Variants in KIF1B observed in about 807,000 individuals in gnomAD.
KIF1B encodes the protein kinesin family member 1B.
In KIF1B, 76 loss-of-function variants were observed where a neutral mutation model predicts 241.9. The observed-to-expected ratio is 0.31, with a 90% CI of 0.26 to 0.38. KIF1B has a LOEUF of 0.38. Ranked by LOEUF, KIF1B falls within the 10% of genes least tolerant of loss-of-function variation. The pLI is 1.00. For missense variants in KIF1B, 1,622 were observed against 2,271.4 expected (o/e 0.71, Z 5.81); for synonymous variants, 750 against 796.7 (o/e 0.94, Z 0.99).
intron 22 of KIF1B, chr1:10,304,344 T>G: frequency 6.2e-7 from 1 of 1,614,162 alleles, no homozygotes; most frequent in Non-Finnish European, 8.5e-7. Flanking sequence ...GAAGCAATTC[T>G]CTCAATAATG....
intron 2 of KIF1B, among the ~76,000 whole-genome samples, chr1:10,237,994 G>A (rs1202598720): frequency 6.6e-6 from 1 of 152,112 alleles, no homozygotes; most frequent in Non-Finnish European, 1.5e-5. Flanking sequence ...GGGCAATGGA[G>A]TGAGACACTG....
At chr1:10,352,601 G>A (rs770919949) in intron 37 of KIF1B, 30 bp from the exon 38 acceptor site, 16 of 1,551,416 alleles carry the variant, frequency 1.0e-5, no homozygotes, top group Admixed American at 6.7e-5. Flanking sequence ...AAATGTGTCC[G>A]TGCTCTGTTT....
At chr1:10,255,925 G>A (rs1647749940) in intron 2 of KIF1B, among the ~76,000 whole-genome samples, 1 of 151,470 alleles carries the variant, frequency 6.6e-6, no homozygotes, top group Non-Finnish European at 1.5e-5. Context: ...AAGTAGCTGG[G>A]ACTGCAGGCA....
intron 2 of KIF1B, among the ~76,000 whole-genome samples, chr1:10,234,757 C>T (rs888995757): frequency 3.3e-5 from 5 of 151,376 alleles, no homozygotes; most frequent in Non-Finnish European, 5.9e-5. Context: ...TTCCTGGGCT[C>T]GAGTGATCCT....
rs549241508 is a variant in KIF1B at position 10,379,909 on chromosome 1, G to A, written c.*3322G>A. ...GCAAGGGGTGCTTGTGGCAGTGGCC[G>A]GGCACCTGAGCCCCAGCTCGTTGTT... On this transcript the variant is annotated 3_prime_UTR_variant, in exon 49 of 49. Transcript: ENST00000676179. 7 of 229,764 alleles carry A rather than the reference G, an allele frequency of 3.0e-5. No homozygotes were observed. Among genetic ancestry groups the A allele is most frequent in the South Asian group, 1.8e-4 (1 of 5,502 alleles). 14.2% of individuals were successfully genotyped at this position (229,764 alleles called of 1,614,324 possible).
intron 37 of KIF1B, among the ~76,000 whole-genome samples, chr1:10,350,486 G>A (rs1652753799): frequency 6.6e-6 from 1 of 151,868 alleles, no homozygotes; most frequent in African/African-American, 2.4e-5. Context: ...CATGAACCTG[G>A]AGGCGGAGCT....
At chr1:10,370,247 C>G (rs1391089140) in intron 44 of KIF1B, among the ~76,000 whole-genome samples, 2 of 152,136 alleles carry the variant, frequency 1.3e-5, no homozygotes, top group East Asian at 3.9e-4. Flanking sequence ...GAGACTTCGT[C>G]TCTCCAAAAA....
At chr1:10,343,499 T>G (rs752525826) in intron 34 of KIF1B, among the ~76,000 whole-genome samples, 24 of 152,218 alleles carry the variant, frequency 1.6e-4, no homozygotes, top group Non-Finnish European at 3.4e-4. Flanking sequence ...GGCTCATGCC[T>G]GTAATCCCAG....
rs969957161 is a variant in KIF1B at position 10,375,293 on chromosome 1, G to T, written c.5328G>T (p.Gly1776=). 5.6e-6 allele frequency: 9 copies of T among 1,614,080 alleles called. No individual in the cohort carries two copies. The highest frequency in any genetic ancestry group is 7.6e-6 in the Non-Finnish European group (9 of 1,180,016). The change falls in exon 48 of 49, where the codon GGG becomes GGT. Residue 1776 remains glycine, a synonymous_variant. Transcript: ENST00000676179. ...TTGCTGTCTGCACAAAGCACCGTGG[G>T]GTCCTTTTGCAGGCCCTCAATGACA... is the stretch of plus-strand genomic sequence containing the variant. ...NTFAVCTKHR[G]VLLQALNDKD... is the part of the protein sequence containing the mutation.
intron 4 of KIF1B, 26 bp downstream of exon 4, chr1:10,258,698 C>T (rs758620479): frequency 6.2e-7 from 1 of 1,609,310 alleles, no homozygotes; most frequent in East Asian, 2.2e-5. Context: ...AAACAAAAAT[C>T]TTCTCTTCAT....
chr1:10,297,314 C>A (rs1650317569), intron 22 of KIF1B, 68 bp downstream of exon 22: 4 of 1,364,208 alleles, frequency 2.9e-6, no homozygotes, highest in Admixed American at 3.4e-5. Context: ...CCCTGTTCCA[C>A]AGAGCAGTAC....
Position 10,374,895 on chromosome 1 carries a change from C to G in KIF1B, c.5138C>G (p.Pro1713Arg). The change falls in exon 47 of 49, where the codon CCT (proline) becomes CGT (arginine). Residue 1713 changes from proline to arginine, a missense_variant. Physicochemically the swap from Pro to Arg is moderately radical, Grantham distance 103 (BLOSUM62 -2). Around this residue, in one of 7 missense-constraint regions of KIF1B, gnomAD observed 357 missense variants for 409.0 expected, o/e 0.87. Transcript: ENST00000676179. The surrounding 1 kb of genome is among the most constrained non-coding windows in gnomAD (Gnocchi z 4.3). ...AAAGGATACCTTCATTTCAAGGAGC[C>G]TCTTTACAGTAACTGGGCTAAACAT... Reference protein sequence around the residue: ...SKKGYLHFKEPLYSNWAKHFV... With the variant: ...SKKGYLHFKERLYSNWAKHFV... 6.2e-7 allele frequency: 1 copy of G among 1,614,158 alleles called. No homozygotes were observed. Among genetic ancestry groups the G allele is most frequent in the Non-Finnish European group, 8.5e-7 (1 of 1,180,024 alleles).
At position 10,380,575 on chromosome 1, in the gene KIF1B, G is replaced by A. The variant is rs571451087; in HGVS notation, c.*3988G>A. The A allele has an allele frequency of 2.0e-4, 37 of 183,006 alleles. No individual in the cohort carries two copies. The South Asian group carries it at 2.4e-3, about 12-fold the overall frequency. 11.3% of individuals were successfully genotyped at this position (183,006 alleles called of 1,614,324 possible). ...ACAAAAAGTAGCCAGGCGTGGTGGC[G>A]TGTGCCTGTAGTCCCAGCTACTTGG... On this transcript the variant is annotated 3_prime_UTR_variant, in exon 49 of 49. Transcript: ENST00000676179.
chr1:10,379,598 C>T lies in KIF1B; in HGVS notation c.*3011C>T, dbSNP rs893878596. 1 of 231,606 alleles carries T rather than the reference C, an allele frequency of 4.3e-6. No individual in the cohort carries two copies. The highest frequency in any genetic ancestry group is 8.5e-6 in the Non-Finnish European group (1 of 117,056). The allele number at this position is 231,606 out of a possible 1,614,324, so 14.3% of individuals were successfully genotyped here. ...AGAAACATAGCCCTTAAGGAAACCACCTTTATGTATTTTCTTAAAGCACGC... is the reference window on the plus strand; with the variant it reads ...AGAAACATAGCCCTTAAGGAAACCATCTTTATGTATTTTCTTAAAGCACGC... On this transcript the variant is annotated 3_prime_UTR_variant, in exon 49 of 49. Transcript: ENST00000676179.
At chr1:10,284,861 CA>C (rs367710763) in intron 15 of KIF1B, among the ~76,000 whole-genome samples, 4 of 143,582 alleles carry the variant, frequency 2.8e-5, no homozygotes, top group Admixed American at 7.0e-5. Flanking sequence ...GACTCCATCT[CA>C]AAAAAAAAAC....
rs200868716 is a variant in KIF1B at position 10,365,184 on chromosome 1, G to A, written c.4451G>A (p.Arg1484His). Residue 1484 changes from arginine (R) to histidine (H), a missense_variant, in exon 42 of 49, where the codon CGT becomes CAT. Physicochemically the swap from Arg to His is conservative, Grantham distance 29. Around this residue, in one of 7 missense-constraint regions of KIF1B, gnomAD observed 803 missense variants for 1,112.0 expected, o/e 0.72. Transcript: ENST00000676179. This position sits in a 1 kb window ranked among gnomAD's most constrained non-coding sequence, Gnocchi z 4.0. ...GEENLAGWRPRGDSLILEHQW... is the reference protein window; with the variant it reads ...GEENLAGWRPHGDSLILEHQW... Reference sequence around the variant, plus strand: ...GAGAACTTAGCAGGCTGGCGGCCCCGTGGAGACAGCCTCATCCTTGAGCAC... The same window carrying A: ...GAGAACTTAGCAGGCTGGCGGCCCCATGGAGACAGCCTCATCCTTGAGCAC... 5.8e-5 allele frequency: 93 copies of A among 1,614,026 alleles called. No individual in the cohort carries two copies. The highest frequency in any genetic ancestry group is 7.6e-5 in the Non-Finnish European group (90 of 1,180,008).
At chr1:10,305,424 A>G (rs1468470140) in intron 22 of KIF1B, 17 of 1,042,768 alleles carry the variant, frequency 1.6e-5, no homozygotes, top group Non-Finnish European at 1.8e-5. Context: ...CATGCACACA[A>G]AGTGAACTAT....
At chr1:10,314,926 A>G (rs1651235535) in intron 22 of KIF1B, among the ~76,000 whole-genome samples, 1 of 151,174 alleles carries the variant, frequency 6.6e-6, no homozygotes, top group African/African-American at 2.5e-5. Context: ...TTTTTTTTCT[A>G]CCTGATGATT....
chr1:10,254,876 C>CAAAA (rs1159193467), intron 2 of KIF1B, among the ~76,000 whole-genome samples: 7 of 36,626 alleles, frequency 1.9e-4, no homozygotes, highest in Non-Finnish European at 2.5e-4. Flanking sequence ...GACTCTGTCT[C>CAAAA]AAAAAAAAAA....
Sources: gnomAD v4.1 joint callset for allele counts (sites outside exome capture counted in the v4.1 genomes callset) on GRCh38, gnomAD v4.1.1 for gene constraint, gnomAD v4.1.1 regional missense constraint, Gnocchi (gnomAD v3.1) non-coding constraint, MANE v1.5 for transcripts, NCBI Gene and HGNC (gene_info 2026-07-23, HGNC 2026-07-21) for gene names.